MAPK10: variants seen among roughly 807,000 people sequenced by gnomAD.
MAPK10 encodes the protein JNK3 alpha protein kinase.
Under a neutral mutation model 59.3 loss-of-function variants are expected in MAPK10, and 25 were observed. That is an observed-to-expected ratio of 0.42 (90% confidence interval 0.31 to 0.59). The LOEUF (loss-of-function observed/expected upper bound fraction) is 0.59. Ranked by LOEUF, MAPK10 falls within the 20% of genes least tolerant of loss-of-function variation. The pLI, the probability that MAPK10 is intolerant of heterozygous loss-of-function variation, is 0.15. For synonymous variants in MAPK10, 190 were observed against 200.5 expected, an observed-to-expected ratio of 0.95 and a Z score of 0.44; for missense variants, 351 against 568.9, an observed-to-expected ratio of 0.62 and a Z score of 3.90.
chr4:86,573,146 C>G (rs1761595329), intron 1 of MAPK10, among the ~76,000 whole-genome samples: 1 of 152,200 alleles, frequency 6.6e-6, no homozygotes, highest in Non-Finnish European at 1.5e-5. Flanking sequence ...TTTTTATAAA[C>G]TCTAATTTTC....
intron 5 of MAPK10, among the ~76,000 whole-genome samples, chr4:86,103,942 T>A (rs2056056359): frequency 6.6e-6 from 1 of 152,198 alleles, no homozygotes; most frequent in African/African-American, 2.4e-5. Context: ...AGTACATACA[T>A]CAATAACTCA....
At chr4:86,316,124 T>C (rs988958843) in intron 2 of MAPK10, among the ~76,000 whole-genome samples, 1 of 152,084 alleles carries the variant, frequency 6.6e-6, no homozygotes, top group East Asian at 1.9e-4. Context: ...TACACTGAAA[T>C]TTTCATTCCT....
At chr4:86,546,776 C>T (rs1759213451) in intron 1 of MAPK10, among the ~76,000 whole-genome samples, 3 of 152,094 alleles carry the variant, frequency 2.0e-5, no homozygotes, top group Admixed American at 2.0e-4. Context: ...TCAAAAGGGG[C>T]TGGGCGGGGT....
chr4:86,542,958 C>G (rs1411129516), intron 1 of MAPK10, among the ~76,000 whole-genome samples: 9 of 152,140 alleles, frequency 5.9e-5, no homozygotes, highest in Admixed American at 2.0e-4. Flanking sequence ...ACCCAAATAC[C>G]ATCATGCTGG....
chr4:86,525,972 G>A (rs1189704857), intron 1 of MAPK10, among the ~76,000 whole-genome samples: 2 of 150,600 alleles, frequency 1.3e-5, no homozygotes, highest in African/African-American at 2.4e-5. Flanking sequence ...AGATAACCCT[G>A]GTATTTTGTT....
intron 9 of MAPK10, among the ~76,000 whole-genome samples, chr4:86,088,265 T>C (rs1183630291): frequency 6.6e-6 from 1 of 152,192 alleles, no homozygotes. Flanking sequence ...CACTGCAGCT[T>C]TGACACTGGG....
rs1445907984 is a variant in MAPK10, at chr4:86,135,993, T to A, written c.236+23305A>T. On this transcript the variant is annotated intron_variant, in intron 4 of 13. Transcript: ENST00000641462. ...GAAGGGAAGTTTAGAGAAAAAAGAA[T>A]AAAAAGAAATGAACAAAGCTTCCAA... Among the ~76,000 whole-genome samples, 7 of 152,002 alleles carry A rather than the reference T, an allele frequency of 4.6e-5. No homozygotes were observed. In the South Asian group the frequency reaches 1.0e-3, roughly 23 times the overall value.
chr4:86,454,735 G>C (rs1751082420), upstream of MAPK10, among the ~76,000 whole-genome samples: 1 of 152,070 alleles, frequency 6.6e-6, no homozygotes, highest in Non-Finnish European at 1.5e-5. Flanking sequence ...AATTTCTCTG[G>C]CCTTGCTAGA....
upstream of MAPK10, among the ~76,000 whole-genome samples, chr4:86,364,675 C>T (rs898030544): frequency 7.2e-5 from 11 of 152,106 alleles, no homozygotes; most frequent in Non-Finnish European, 7.4e-5. Flanking sequence ...TTCCCATTCC[C>T]GGTTGGATAA....
At chr4:86,092,620 GATATAT>G (rs34886510) in intron 9 of MAPK10, among the ~76,000 whole-genome samples, 1 of 148,808 alleles carries the variant, frequency 6.7e-6, no homozygotes, top group African/African-American at 2.5e-5. Context: ...ATATATTAGT[GATATAT>G]ATATATATAT....
At position 86,017,136 on chromosome 4, in the gene MAPK10, T is replaced by C. The variant is rs1578552431; in HGVS notation, c.*92A>G. The C allele has an allele frequency of 1.5e-6, 2 of 1,341,222 alleles. No homozygotes were observed. Among genetic ancestry groups the C allele is most frequent in the Non-Finnish European group, 2.1e-6 (2 of 971,264 alleles). 83.1% of individuals were successfully genotyped at this position (1,341,222 alleles called of 1,614,324 possible). On this transcript the variant is annotated 3_prime_UTR_variant, in exon 14 of 14. Transcript: ENST00000641462. The surrounding 1 kb of genome is among the most constrained non-coding windows in gnomAD (Gnocchi z 4.4). Reference sequence around the variant, plus strand: ...CTTGCTGTTTTCTTGATGTTGTGTGTCTGCATTTGTGTGTGTGTGTGTGTC... The same window carrying C: ...CTTGCTGTTTTCTTGATGTTGTGTGCCTGCATTTGTGTGTGTGTGTGTGTC...
upstream of MAPK10, among the ~76,000 whole-genome samples, chr4:86,457,613 A>C (rs1478647088): frequency 6.6e-6 from 1 of 152,210 alleles, no homozygotes; most frequent in African/African-American, 2.4e-5. Flanking sequence ...GAGGTAAAAG[A>C]CCTCTACAAA....
chr4:86,274,951 T>G (rs1477183534), intron 2 of MAPK10, among the ~76,000 whole-genome samples: 1 of 151,990 alleles, frequency 6.6e-6, no homozygotes, highest in Admixed American at 6.6e-5. Flanking sequence ...TAAAATATTT[T>G]CCCAGTGAAA....
intron 1 of MAPK10, among the ~76,000 whole-genome samples, chr4:86,428,282 C>A (rs1253505629): frequency 1.3e-5 from 2 of 152,000 alleles, no homozygotes; most frequent in African/African-American, 4.8e-5. Flanking sequence ...TAGCTGGGAC[C>A]ACAGATGCAT....
rs916290608 is a variant in MAPK10 at position 86,015,222 on chromosome 4, T to C, written c.*2006A>G. 5 of 152,194 alleles carry C rather than the reference T, an allele frequency of 3.3e-5. No homozygotes were observed. Among genetic ancestry groups the C allele is most frequent in the African/African-American group, 1.2e-4 (5 of 41,434 alleles). 9.4% of individuals were successfully genotyped at this position (152,194 alleles called of 1,614,324 possible). A position where few individuals can be genotyped will look rare whatever the true frequency, so the allele number is the denominator to read the frequency against. On this transcript the variant is annotated 3_prime_UTR_variant, in exon 14 of 14. Transcript: ENST00000641462. ...TGACTGCGTGTACTGAATCTGACTG[T>C]GTGAAATAATCTCAGAATGGCAGCA...
chr4:86,218,121 A>G (rs926228127), intron 2 of MAPK10, among the ~76,000 whole-genome samples: 1 of 152,328 alleles, frequency 6.6e-6, no homozygotes, highest in African/African-American at 2.4e-5. Context: ...ACAAAAATAA[A>G]CAACTCAAAA....
intron 2 of MAPK10, among the ~76,000 whole-genome samples, chr4:86,343,486 G>A (rs1035085758): frequency 2.6e-5 from 4 of 151,998 alleles, no homozygotes; most frequent in Non-Finnish European, 5.9e-5. Flanking sequence ...CTATTTTCTC[G>A]ATTTTTTCAA....
At chr4:86,514,922 T>G (rs1756543278) in intron 1 of MAPK10, among the ~76,000 whole-genome samples, 1 of 152,140 alleles carries the variant, frequency 6.6e-6, no homozygotes, top group Admixed American at 6.5e-5. Flanking sequence ...TAGGTGTGAT[T>G]TCTGAGATTT....
chr4:86,406,458 A>T (rs941103780), intron 1 of MAPK10, among the ~76,000 whole-genome samples: 1 of 152,196 alleles, frequency 6.6e-6, no homozygotes, highest in African/African-American at 2.4e-5. Context: ...AGCTACTCAA[A>T]TATAGTGGAG....
Sources: allele counts gnomAD v4.1 joint callset (sites outside exome capture counted in the v4.1 genomes callset), GRCh38; gene constraint gnomAD v4.1.1; non-coding constraint Gnocchi (gnomAD v3.1); transcripts MANE v1.5; gene names NCBI Gene and HGNC (gene_info 2026-07-23, HGNC 2026-07-21).